The following CNBD1 variants were observed in gnomAD, a reference collection of about 807,000 sequenced individuals.
CNBD1 encodes cyclic nucleotide-binding domain-containing protein 1.
Under a neutral mutation model 54.4 loss-of-function variants are expected in CNBD1, and 71 were observed. That is an observed-to-expected ratio of 1.30 (90% CI 1.08 to 1.59). CNBD1 has a LOEUF of 1.59. CNBD1 is among the 40% of genes most tolerant of loss of function. The pLI is 0.00. For missense variants in CNBD1, 659 were observed against 518.0 expected, an observed-to-expected ratio of 1.27 and a Z score of -2.64; for synonymous variants, 182 against 170.7, an observed-to-expected ratio of 1.07 and a Z score of -0.51.
In CNBD1 at chr8:87,163,997, A is replaced by AT. The variant is rs1812910632; in HGVS notation, c.432-41991dup. On this transcript the variant is annotated intron_variant, in intron 4 of 10. Transcript: ENST00000518476. The surrounding 1 kb of genome is among the most constrained non-coding windows in gnomAD (Gnocchi z 4.5). Reference sequence around the variant, plus strand: ...TGTACCTAATTTGTTGAGAATTTCTATTTTTGAAAGAATGCCTAGTTTTGT... The same window carrying AT: ...TGTACCTAATTTGTTGAGAATTTCTATTTTTTGAAAGAATGCCTAGTTTTGT... Among the ~76,000 whole-genome samples the AT allele has an allele frequency of 6.6e-6, 1 of 151,824 alleles. No individual in the cohort carries two copies. Among genetic ancestry groups the AT allele is most frequent in the South Asian group, 2.1e-4 (1 of 4,820 alleles).
intron 4 of CNBD1, among the ~76,000 whole-genome samples, chr8:87,051,088 C>A (rs1337129227): frequency 6.6e-6 from 1 of 152,132 alleles, no homozygotes; most frequent in Non-Finnish European, 1.5e-5. Flanking sequence ...GCTAGAATAT[C>A]CCTGCCTAGC....
intron 4 of CNBD1, among the ~76,000 whole-genome samples, chr8:87,089,200 G>T (rs1332211615): frequency 6.6e-6 from 1 of 152,064 alleles, no homozygotes; most frequent in African/African-American, 2.4e-5. Context: ...TTGAAAAAAG[G>T]GTAATTTGAC....
At chr8:87,237,371 TC>T in intron 6 of CNBD1, 1 of 283,164 alleles carries the variant, frequency 3.5e-6, no homozygotes, top group Non-Finnish European at 6.5e-6. Flanking sequence ...TGTGGCTGGA[TC>T]CCTGAAAGAA....
intron 8 of CNBD1, among the ~76,000 whole-genome samples, chr8:87,321,866 A>T (rs545439371): frequency 1.2e-4 from 18 of 148,728 alleles, no homozygotes; most frequent in African/African-American, 4.2e-4. Flanking sequence ...GGTTAGTTAC[A>T]TATGTATACA....
intron 4 of CNBD1, among the ~76,000 whole-genome samples, chr8:87,009,053 TTTTCTTGG>T (rs1454927286): frequency 6.6e-6 from 1 of 151,966 alleles, no homozygotes; most frequent in Non-Finnish European, 1.5e-5. Context: ...TACTTTACCA[TTTTCTTGG>T]TTTCTTTCCT....
At chr8:86,879,553 A>G (rs1365570774) in intron 1 of CNBD1, among the ~76,000 whole-genome samples, 1 of 152,218 alleles carries the variant, frequency 6.6e-6, no homozygotes, top group African/African-American at 2.4e-5. Flanking sequence ...TTCATGGAGC[A>G]CCCAGAACAT....
At chr8:87,015,636 T>G (rs1809338708) in intron 4 of CNBD1, among the ~76,000 whole-genome samples, 1 of 151,832 alleles carries the variant, frequency 6.6e-6, no homozygotes. Context: ...TTGGCTCCTG[T>G]AACTTTTACT....
intron 4 of CNBD1, among the ~76,000 whole-genome samples, chr8:87,036,694 G>A (rs1586213693): frequency 6.8e-6 from 1 of 148,020 alleles, no homozygotes; most frequent in African/African-American, 2.5e-5. Context: ...GAGATAATAA[G>A]TACTTTTCAT....
intron 1 of CNBD1, among the ~76,000 whole-genome samples, chr8:86,869,469 AC>A (rs1440480637): frequency 1.3e-5 from 2 of 152,058 alleles, no homozygotes; most frequent in Non-Finnish European, 2.9e-5. Flanking sequence ...ACATCTTCAA[AC>A]CCTCCTCCAC....
chr8:87,344,057 G>T (rs1010317756), intron 8 of CNBD1, among the ~76,000 whole-genome samples: 5 of 152,032 alleles, frequency 3.3e-5, no homozygotes, highest in Admixed American at 1.3e-4. Flanking sequence ...TATGTAGTTT[G>T]TAACAGAGGA....
chr8:87,126,281 C>T (rs1811988055), intron 4 of CNBD1, among the ~76,000 whole-genome samples: 1 of 151,980 alleles, frequency 6.6e-6, no homozygotes, highest in Non-Finnish European at 1.5e-5. Context: ...TACCACTTTA[C>T]ATTCCAGAAG....
At chr8:87,152,439 T>TA (rs5893013) in intron 4 of CNBD1, among the ~76,000 whole-genome samples, 65,901 of 138,134 alleles carry the variant, frequency 0.48, 15,197 homozygotes, top group African/African-American at 0.51. Flanking sequence ...GCTGATGAGC[T>TA]AAAAAAAAAA....
At chr8:87,352,098 T>C (rs1453305850) in intron 9 of CNBD1, among the ~76,000 whole-genome samples, 2 of 152,132 alleles carry the variant, frequency 1.3e-5, no homozygotes, top group Admixed American at 6.6e-5. Flanking sequence ...ACATACCAGA[T>C]TGGCTAAGAT....
At chr8:86,885,975 A>G (rs899769241) in intron 1 of CNBD1, among the ~76,000 whole-genome samples, 1 of 152,172 alleles carries the variant, frequency 6.6e-6, no homozygotes, top group Non-Finnish European at 1.5e-5. Flanking sequence ...TCTCTGTTCT[A>G]TAAGTCTTAT....
At chr8:87,053,440 T>C (rs1429653034) in intron 4 of CNBD1, among the ~76,000 whole-genome samples, 2 of 152,068 alleles carry the variant, frequency 1.3e-5, no homozygotes, top group Non-Finnish European at 2.9e-5. Context: ...CTGAGGATGG[T>C]TTTTTACCCA....
At chr8:87,009,460 C>G (rs1010693249) in intron 4 of CNBD1, among the ~76,000 whole-genome samples, 1 of 151,846 alleles carries the variant, frequency 6.6e-6, no homozygotes. Context: ...GCCACAACAC[C>G]CGGCTAATTT....
At chr8:87,349,822 G>T (rs1810248465) in intron 8 of CNBD1, among the ~76,000 whole-genome samples, 1 of 152,192 alleles carries the variant, frequency 6.6e-6, no homozygotes, top group Non-Finnish European at 1.5e-5. Context: ...TCCCCCTCTA[G>T]GGAATGAGAC....
At chr8:87,171,636 CTTTCTTTTTT>C (rs1387016127) in intron 4 of CNBD1, among the ~76,000 whole-genome samples, 1 of 150,156 alleles carries the variant, frequency 6.7e-6, no homozygotes, top group Non-Finnish European at 1.5e-5. Flanking sequence ...TTTTCTTTTT[CTTTCTTTTTT>C]TTTCTTTTTT....
chr8:87,405,642 A>C (rs1807639830), intron 2 of CNBD1, among the ~76,000 whole-genome samples: 1 of 152,148 alleles, frequency 6.6e-6, no homozygotes, highest in South Asian at 2.1e-4. Context: ...AGAGTAACAC[A>C]TGGAAGGAAT....
Sources: gnomAD v4.1 joint callset for allele counts (sites outside exome capture counted in the v4.1 genomes callset) on GRCh38, gnomAD v4.1.1 for gene constraint, Gnocchi (gnomAD v3.1) non-coding constraint, MANE v1.5 for transcripts, NCBI Gene and HGNC (gene_info 2026-07-23, HGNC 2026-07-21) for gene names.